The following BTD variants were observed in gnomAD, a reference collection of about 807,000 sequenced individuals.
BTD encodes the protein biotinidase, also known as biocytinase.
BTD carries 13 observed loss-of-function variants against 17.7 expected under a neutral mutation model. That is an observed-to-expected ratio of 0.74 (90% confidence interval 0.48 to 1.17). BTD has a LOEUF of 1.17. Ranked by LOEUF, BTD falls within the 50% of genes most tolerant of loss-of-function variation. BTD has a pLI of 0.00. For synonymous variants in BTD, 240 were observed against 245.2 expected, an observed-to-expected ratio of 0.98 and a Z score of 0.20; for missense variants, 674 against 650.4, an observed-to-expected ratio of 1.04 and a Z score of -0.39.
intron 3 of BTD, among the ~76,000 whole-genome samples, chr3:15,678,553 G>T (rs964037853): frequency 1.3e-5 from 2 of 152,100 alleles, no homozygotes; most frequent in Non-Finnish European, 2.9e-5. Context: ...AATACAGAAG[G>T]CTTTAATTAA....
chr3:15,709,714 G>A, intron 3 of BTD: 2 of 1,578,372 alleles, frequency 1.3e-6, no homozygotes, highest in East Asian at 2.3e-5. Flanking sequence ...GTATTCAGCA[G>A]AAGGTTTAGG....
intron 3 of BTD, chr3:15,670,087 G>C: frequency 1.6e-6 from 1 of 608,888 alleles, no homozygotes; most frequent in East Asian, 2.8e-5. Context: ...CAAGATTCTA[G>C]AAGTTCCTTT....
At chr3:15,719,664 G>A (rs1005003441) in intron 4 of BTD, among the ~76,000 whole-genome samples, 1 of 152,044 alleles carries the variant, frequency 6.6e-6, no homozygotes, top group Admixed American at 6.6e-5. Context: ...GAACTTCTGG[G>A]CTCAAGTGAT....
At chr3:15,701,527 C>A (rs945375035) in intron 3 of BTD, among the ~76,000 whole-genome samples, 2 of 151,990 alleles carry the variant, frequency 1.3e-5, no homozygotes, top group Non-Finnish European at 2.9e-5. Flanking sequence ...ACCTGTAATC[C>A]CAGCTCCTCG....
chr3:15,602,372 T>C, intron 1 of BTD: 1 of 971,496 alleles, frequency 1.0e-6, no homozygotes, highest in Non-Finnish European at 1.2e-6. Context: ...TCCGCTAATA[T>C]CTTTCCAAAA....
intron 1 of BTD, among the ~76,000 whole-genome samples, chr3:15,613,943 A>G (rs1406971212): frequency 4.0e-5 from 6 of 151,434 alleles, no homozygotes; most frequent in Admixed American, 2.0e-4. Context: ...TGCGTCTAAG[A>G]TTTTTTTCTT....
At chr3:15,694,924 CTT>C (rs1220990078) in intron 3 of BTD, 2 of 994,398 alleles carry the variant, frequency 2.0e-6, no homozygotes, top group Non-Finnish European at 3.1e-6. Flanking sequence ...ACTCAGCAAA[CTT>C]ATAAAACATG....
intron 3 of BTD, among the ~76,000 whole-genome samples, chr3:15,680,998 G>A (rs778760574): frequency 1.7e-4 from 26 of 152,038 alleles, no homozygotes; most frequent in Admixed American, 2.0e-4. Context: ...TATTTTTGTA[G>A]GACAATTTCC....
In BTD at chr3:15,635,316, A is replaced by G; in HGVS notation, c.-16-108A>G. ...AACAAACTCTTTGAGCCGCAGTATC[A>G]CTGCGAGTGAGTTTAATTGCTGGGA... On this transcript the variant is annotated intron_variant, in intron 1 of 3. Transcript: ENST00000643237. This position sits in a 1 kb window ranked among gnomAD's most constrained non-coding sequence, Gnocchi z 4.1. The G allele has an allele frequency of 6.6e-7, 1 of 1,521,642 alleles. No homozygotes were observed. The highest frequency in any genetic ancestry group is 9.1e-7 in the Non-Finnish European group (1 of 1,103,724). 94.3% of individuals were successfully genotyped at this position (1,521,642 alleles called of 1,614,324 possible). A position where few individuals can be genotyped will look rare whatever the true frequency, so the allele number is the denominator to read the frequency against.
In BTD at chr3:15,642,003, C is replaced by G; in HGVS notation, c.345C>G (p.Pro115=). The change falls in exon 3 of 4, where the codon CCC becomes CCG. Residue 115 remains proline (P), a synonymous_variant. Coordinates refer to ENST00000643237, the MANE Select transcript of BTD (RefSeq NM_001370658.1). The stretch of plus-strand genomic sequence containing the variant: ...CATTTTTGGACTTCATGCCGTCTCC[C>G]CAGGTGGTCAGGTGGAACCCATGCC... ...IYPFLDFMPS[P]QVVRWNPCLE... is the part of the protein sequence containing the mutation. 1 of 1,614,180 alleles carries G rather than the reference C, an allele frequency of 6.2e-7. No homozygotes were observed. Among genetic ancestry groups the G allele is most frequent in the Non-Finnish European group, 8.5e-7 (1 of 1,180,032 alleles).
downstream of BTD, among the ~76,000 whole-genome samples, chr3:15,656,825 T>G (rs1470180386): frequency 6.6e-6 from 1 of 152,260 alleles, no homozygotes; most frequent in African/African-American, 2.4e-5. Context: ...TTCATTAAGT[T>G]CCACTAACTT....
chr3:15,655,215 T>C (rs893938774), downstream of BTD, among the ~76,000 whole-genome samples: 26 of 152,210 alleles, frequency 1.7e-4, no homozygotes, highest in Non-Finnish European at 3.7e-4. Flanking sequence ...AATTATAATG[T>C]GCATATCCTC....
chr3:15,678,285 A>C lies in BTD; in HGVS notation c.400-31775A>C. 1.9e-6 allele frequency: 3 copies of C among 1,613,208 alleles called. No individual in the cohort carries two copies. In the South Asian group the frequency reaches 3.3e-5, roughly 18 times the overall value. On this transcript the variant is annotated intron_variant, in intron 3 of 3. Coordinates refer to the BTD transcript ENST00000672141. Reference sequence around the variant, plus strand: ...CTGTAGAGTCCACAGAATTGACTTGAGCATTATGGCTGAGCAGCAGCTGTA... The same window carrying C: ...CTGTAGAGTCCACAGAATTGACTTGCGCATTATGGCTGAGCAGCAGCTGTA...
chr3:15,630,060 ACATCCAGT>A, intron 1 of BTD: 1 of 985,462 alleles, frequency 1.0e-6, no homozygotes, highest in East Asian at 1.1e-4. Flanking sequence ...GTCACTTTTT[ACATCCAGT>A]CATATTGTAT....
intron 3 of BTD, among the ~76,000 whole-genome samples, chr3:15,666,308 G>T (rs2065989112): frequency 6.6e-6 from 1 of 152,164 alleles, no homozygotes; most frequent in Non-Finnish European, 1.5e-5. Context: ...AGTCATTAGG[G>T]GGTTAAGAGC....
At chr3:15,626,487 G>C (rs2065067958) in intron 1 of BTD, among the ~76,000 whole-genome samples, 1 of 152,164 alleles carries the variant, frequency 6.6e-6, no homozygotes, top group Non-Finnish European at 1.5e-5. Context: ...CTCATGCCAG[G>C]TAAAGCTGTA....
At chr3:15,718,075 A>G (rs987066121) in intron 4 of BTD, among the ~76,000 whole-genome samples, 1 of 152,200 alleles carries the variant, frequency 6.6e-6, no homozygotes, top group Admixed American at 6.5e-5. Flanking sequence ...ATAACTTAAT[A>G]ACACCGATTT....
intron 1 of BTD, among the ~76,000 whole-genome samples, chr3:15,607,520 T>G (rs1302720600): frequency 1.3e-5 from 2 of 152,234 alleles, no homozygotes; most frequent in Non-Finnish European, 2.9e-5. Context: ...CAGTAACTCT[T>G]AAAGCCCCCA....
At chr3:15,606,150 A>G (rs917267985) in intron 1 of BTD, among the ~76,000 whole-genome samples, 2 of 151,224 alleles carry the variant, frequency 1.3e-5, no homozygotes, top group Non-Finnish European at 2.9e-5. Context: ...TTCCCCTTCC[A>G]TCATGTATTA....
Sources: gnomAD v4.1 joint callset for allele counts (sites outside exome capture counted in the v4.1 genomes callset) on GRCh38, gnomAD v4.1.1 for gene constraint, Gnocchi (gnomAD v3.1) non-coding constraint, MANE v1.5 for transcripts, NCBI Gene and HGNC (gene_info 2026-07-23, HGNC 2026-07-21) for gene names.